The following CCSER1 variants were observed in gnomAD, a reference collection of about 807,000 sequenced individuals.
The protein encoded by CCSER1 is serine-rich coiled-coil domain-containing protein 1.
Under a neutral mutation model 82.0 loss-of-function variants are expected in CCSER1, and 41 were observed. That is an observed-to-expected ratio of 0.50 (90% CI 0.39 to 0.65). The LOEUF is 0.65. CCSER1 is among the 30% of genes least tolerant of loss of function. CCSER1 has a pLI of 0.00. For synonymous variants in CCSER1, 414 were observed against 383.9 expected, an observed-to-expected ratio of 1.08 and a Z score of -0.92; for missense variants, 1,119 against 1,064.2, an observed-to-expected ratio of 1.05 and a Z score of -0.72.
At chr4:91,028,629 A>G (rs924302986) in intron 9 of CCSER1, among the ~76,000 whole-genome samples, 2 of 151,992 alleles carry the variant, frequency 1.3e-5, no homozygotes, top group African/African-American at 4.8e-5. Flanking sequence ...TATTGAGTCA[A>G]ATAATGCTCC....
chr4:90,527,422 G>T (rs192198294), intron 5 of CCSER1, among the ~76,000 whole-genome samples: 9 of 152,144 alleles, frequency 5.9e-5, no homozygotes, highest in South Asian at 2.1e-4. Context: ...TTAGAATAGC[G>T]ATCAAAAGGC....
intron 1 of CCSER1, among the ~76,000 whole-genome samples, chr4:90,240,760 T>G (rs577969036): frequency 6.6e-6 from 1 of 152,322 alleles, no homozygotes; most frequent in East Asian, 1.9e-4. Flanking sequence ...CATGTTGCTT[T>G]CAGGTGCCCA....
intron 9 of CCSER1, among the ~76,000 whole-genome samples, chr4:90,984,521 G>C (rs750546349): frequency 1.1e-4 from 17 of 151,648 alleles, no homozygotes; most frequent in Admixed American, 4.0e-4. Context: ...TTGAAAGCAT[G>C]GGAAATGCAG....
chr4:90,393,539 T>C (rs189246907), intron 3 of CCSER1, among the ~76,000 whole-genome samples: 3 of 152,188 alleles, frequency 2.0e-5, no homozygotes, highest in Admixed American at 2.0e-4. Flanking sequence ...GTCAAGTAAA[T>C]ATAAAATAAA....
At chr4:90,581,680 C>T (rs1027897382) in intron 5 of CCSER1, among the ~76,000 whole-genome samples, 3 of 152,064 alleles carry the variant, frequency 2.0e-5, no homozygotes, top group Admixed American at 6.6e-5. Context: ...TCCTGCTCTC[C>T]GTGTGACTCT....
intron 9 of CCSER1, among the ~76,000 whole-genome samples, chr4:91,008,842 C>T (rs1261722949): frequency 6.6e-6 from 1 of 152,174 alleles, no homozygotes; most frequent in Non-Finnish European, 1.5e-5. Flanking sequence ...TGTTCTCTGA[C>T]CTGGGGTTCT....
At chr4:90,341,015 AACAGTAATGAG>A (rs1741276603) in intron 3 of CCSER1, among the ~76,000 whole-genome samples, 1 of 152,166 alleles carries the variant, frequency 6.6e-6, no homozygotes, top group East Asian at 1.9e-4. Context: ...AGACATGAAT[AACAGTAATGAG>A]TTTTCGCTGT....
intron 10 of CCSER1, among the ~76,000 whole-genome samples, chr4:91,431,519 G>T (rs1754317363): frequency 6.6e-6 from 1 of 152,036 alleles, no homozygotes; most frequent in African/African-American, 2.4e-5. Context: ...CCGGGCTGGA[G>T]TGCAATGGTG....
intron 10 of CCSER1, among the ~76,000 whole-genome samples, chr4:91,131,724 C>G (rs1728016191): frequency 6.6e-6 from 1 of 152,006 alleles, no homozygotes; most frequent in African/African-American, 2.4e-5. Flanking sequence ...ATAAAGCAAA[C>G]AGTATCAACT....
chr4:90,865,221 C>G (rs1275375810), intron 8 of CCSER1, among the ~76,000 whole-genome samples: 1 of 151,952 alleles, frequency 6.6e-6, no homozygotes, highest in African/African-American at 2.4e-5. Flanking sequence ...CAGGAACAGG[C>G]TAGAAATTGT....
intron 6 of CCSER1, among the ~76,000 whole-genome samples, chr4:90,660,109 G>A (rs1164903899): frequency 6.6e-6 from 1 of 151,818 alleles, no homozygotes; most frequent in African/African-American, 2.4e-5. Flanking sequence ...AATCTCTATA[G>A]GAAACAGTAT....
At chr4:90,351,753 T>A (rs1017008722) in intron 3 of CCSER1, among the ~76,000 whole-genome samples, 2 of 152,200 alleles carry the variant, frequency 1.3e-5, no homozygotes, top group African/African-American at 4.8e-5. Context: ...CTACATTTTA[T>A]CTTTGCATAA....
chr4:91,077,877 G>C (rs1032195816), intron 9 of CCSER1, among the ~76,000 whole-genome samples: 2 of 152,232 alleles, frequency 1.3e-5, no homozygotes, highest in African/African-American at 4.8e-5. Flanking sequence ...AGAACTGCAA[G>C]GTGGCAGCGA....
chr4:90,467,551 C>T (rs990228845), intron 4 of CCSER1, among the ~76,000 whole-genome samples: 25 of 149,086 alleles, frequency 1.7e-4, no homozygotes, highest in Admixed American at 5.4e-4. Flanking sequence ...GACACGGTGG[C>T]GGGCGCCTGT....
chr4:91,053,314 T>C (rs12650206), intron 9 of CCSER1, among the ~76,000 whole-genome samples: 56,277 of 151,980 alleles, frequency 0.37, 11,681 homozygotes, highest in East Asian at 0.64. Context: ...CCAAAATGAG[T>C]TGGAAACACT....
intron 7 of CCSER1, 148 bp downstream of exon 7, chr4:90,724,139 C>G (rs1743215825): frequency 1.9e-6 from 1 of 516,566 alleles, no homozygotes; most frequent in Admixed American, 3.2e-5. Context: ...TTTGTGTGTT[C>G]CATTGTCATT....
At chr4:91,322,467 A>G (rs1318669157) in intron 10 of CCSER1, among the ~76,000 whole-genome samples, 1 of 152,096 alleles carries the variant, frequency 6.6e-6, no homozygotes, top group Non-Finnish European at 1.5e-5. Context: ...TAAAACAACT[A>G]CTTCTAAAAG....
intron 8 of CCSER1, among the ~76,000 whole-genome samples, chr4:90,836,765 G>A (rs1211950171): frequency 1.3e-5 from 2 of 152,294 alleles, no homozygotes; most frequent in South Asian, 4.1e-4. Context: ...CATTCCTCTG[G>A]TGGACTTCAT....
chr4:91,304,819 T>A (rs952967186), intron 10 of CCSER1, among the ~76,000 whole-genome samples: 1 of 152,084 alleles, frequency 6.6e-6, no homozygotes, highest in Non-Finnish European at 1.5e-5. Flanking sequence ...GCCTTCTAAG[T>A]GATTAGGGAG....
Sources: gnomAD v4.1 joint callset for allele counts (sites outside exome capture counted in the v4.1 genomes callset) on GRCh38, gnomAD v4.1.1 for gene constraint, MANE v1.5 for transcripts, NCBI Gene and HGNC (gene_info 2026-07-23, HGNC 2026-07-21) for gene names.